The following RPS6KC1 variants were observed in gnomAD, a reference collection of about 807,000 sequenced individuals.
RPS6KC1 encodes the protein inactive ribosomal protein S6 kinase delta-1.
In RPS6KC1, 54 loss-of-function variants were observed where a neutral mutation model predicts 103.8. That is an observed-to-expected ratio of 0.52 (90% CI 0.42 to 0.65). The LOEUF is 0.65. Ranked by LOEUF, RPS6KC1 falls within the 30% of genes least tolerant of loss-of-function variation. The pLI, the probability that RPS6KC1 is intolerant of heterozygous loss-of-function variation, is 0.00. For missense variants in RPS6KC1, 1,151 were observed against 1,253.8 expected (o/e 0.92, Z 1.24); for synonymous variants, 439 against 438.7 (o/e 1.00, Z -0.01).
the RPS6KC1 span, chr1:213,837,199 A>G: frequency 1.3e-5 from 2 of 152,160 alleles, no homozygotes; most frequent in African/African-American, 4.8e-5. Flanking sequence ...TAAAAATAGA[A>G]AGGGGACTAA....
chr1:213,286,318 T>G, the RPS6KC1 span, among the ~76,000 whole-genome samples: 1 of 152,212 alleles, frequency 6.6e-6, no homozygotes, highest in Admixed American at 6.5e-5. Context: ...AAATTAGGGC[T>G]TCTTGGAGCA....
At chr1:213,316,623 C>T in the RPS6KC1 span, among the ~76,000 whole-genome samples, 1 of 151,512 alleles carries the variant, frequency 6.6e-6, no homozygotes, top group East Asian at 1.9e-4. Flanking sequence ...AGATGATGAA[C>T]AAATTAATAA....
chr1:213,287,521 G>A, the RPS6KC1 span, among the ~76,000 whole-genome samples: 9 of 152,240 alleles, frequency 5.9e-5, no homozygotes, highest in East Asian at 1.7e-3. Flanking sequence ...TTTATGAAAT[G>A]GACTTGGGTC....
chr1:213,386,195 G>A, the RPS6KC1 span, among the ~76,000 whole-genome samples: 1 of 152,080 alleles, frequency 6.6e-6, no homozygotes, highest in Admixed American at 6.5e-5. Flanking sequence ...TTCCTCTGTC[G>A]CCATGGGATC....
At chr1:213,052,862 A>G (rs1369947147) in intron 1 of RPS6KC1, among the ~76,000 whole-genome samples, 1 of 152,170 alleles carries the variant, frequency 6.6e-6, no homozygotes, top group African/African-American at 2.4e-5. Flanking sequence ...CTTAAAGGTT[A>G]AATAGATCAG....
At chr1:213,657,755 T>G in the RPS6KC1 span, among the ~76,000 whole-genome samples, 1 of 152,256 alleles carries the variant, frequency 6.6e-6, no homozygotes, top group African/African-American at 2.4e-5. Flanking sequence ...TGCTATTTTT[T>G]GCTGCTCTTA....
At chr1:213,320,158 G>T in the RPS6KC1 span, among the ~76,000 whole-genome samples, 21 of 152,290 alleles carry the variant, frequency 1.4e-4, no homozygotes, top group African/African-American at 4.6e-4. Context: ...CCTGGTTGAA[G>T]AACTTGGAAA....
the RPS6KC1 span, among the ~76,000 whole-genome samples, chr1:213,506,244 G>A: frequency 5.8e-4 from 89 of 152,276 alleles, no homozygotes; most frequent in African/African-American, 1.9e-3. Context: ...GGTAAGTAAC[G>A]AGATGAAGGA....
chr1:213,286,584 A>G, the RPS6KC1 span, among the ~76,000 whole-genome samples: 5 of 152,272 alleles, frequency 3.3e-5, no homozygotes, highest in Non-Finnish European at 7.3e-5. Flanking sequence ...TGGGAAATGA[A>G]GGGATTCAAG....
intron 6 of RPS6KC1, among the ~76,000 whole-genome samples, chr1:213,137,618 CCA>C (rs1358936037): frequency 3.3e-5 from 5 of 151,730 alleles, no homozygotes; most frequent in African/African-American, 1.2e-4. Flanking sequence ...GAGGCGTGAG[CCA>C]CCGTGCCTTG....
the RPS6KC1 span, among the ~76,000 whole-genome samples, chr1:213,292,201 GTAAC>G: frequency 6.6e-6 from 1 of 151,830 alleles, no homozygotes; most frequent in Non-Finnish European, 1.5e-5. Context: ...GTATACCTAT[GTAAC>G]TAACCTGCAC....
chr1:213,828,194 G>A, the RPS6KC1 span, among the ~76,000 whole-genome samples: 335 of 152,258 alleles, frequency 2.2e-3, no homozygotes, highest in African/African-American at 7.8e-3. Context: ...GCTGACTAGA[G>A]TGACATAGAG....
intron 6 of RPS6KC1, among the ~76,000 whole-genome samples, chr1:213,155,842 G>T (rs1476003024): frequency 6.6e-6 from 1 of 152,006 alleles, no homozygotes; most frequent in African/African-American, 2.4e-5. Flanking sequence ...CTGCTGTCTT[G>T]TTCCACCGTC....
At chr1:213,230,975 TC>T (rs528445027) in intron 9 of RPS6KC1, among the ~76,000 whole-genome samples, 7 of 151,396 alleles carry the variant, frequency 4.6e-5, no homozygotes, top group Middle Eastern at 3.4e-3. Context: ...AGTTAATATA[TC>T]CCCCCCCTAG....
chr1:213,775,608 A>T, the RPS6KC1 span, among the ~76,000 whole-genome samples: 1 of 152,224 alleles, frequency 6.6e-6, no homozygotes, highest in African/African-American at 2.4e-5. Context: ...CCTTCAGCAC[A>T]TCATAATCTT....
chr1:213,500,410 C>T, the RPS6KC1 span, among the ~76,000 whole-genome samples: 2 of 152,028 alleles, frequency 1.3e-5, no homozygotes, highest in East Asian at 3.9e-4. Flanking sequence ...CAAGGACCTG[C>T]CTGAGGCTCT....
chr1:213,131,569 T>C (rs889699266), intron 6 of RPS6KC1, among the ~76,000 whole-genome samples: 4 of 151,914 alleles, frequency 2.6e-5, no homozygotes, highest in African/African-American at 9.7e-5. Context: ...TCAGCCTCCC[T>C]AGTAGCTGGG....
chr1:213,414,455 T>A, the RPS6KC1 span, among the ~76,000 whole-genome samples: 1 of 152,104 alleles, frequency 6.6e-6, no homozygotes. Flanking sequence ...CAGAGAGCCA[T>A]AGAGCAGGAG....
chr1:213,151,384 C>T (rs1178643330), intron 6 of RPS6KC1, among the ~76,000 whole-genome samples: 57 of 133,646 alleles, frequency 4.3e-4, no homozygotes, highest in African/African-American at 8.0e-4. Flanking sequence ...GGCGGCTGGC[C>T]GGGCAGAGGG....
Sources: allele counts gnomAD v4.1 joint callset (sites outside exome capture counted in the v4.1 genomes callset), GRCh38; gene constraint gnomAD v4.1.1; transcripts MANE v1.5; gene names NCBI Gene and HGNC (gene_info 2026-07-23, HGNC 2026-07-21).